The following WWTR1 variants were observed in gnomAD, a reference collection of about 807,000 sequenced individuals.
WWTR1 encodes WW domain containing transcription regulator 1.
A neutral mutation model predicts 40.1 loss-of-function variants in WWTR1; 13 were observed. The observed-to-expected ratio is 0.32, with a 90% CI of 0.21 to 0.52. The LOEUF (loss-of-function observed/expected upper bound fraction) is 0.52, where lower values mean the gene tolerates loss of function less well. WWTR1 is among the 20% of genes least tolerant of loss of function. The pLI is 0.97. For missense variants in WWTR1, 436 were observed against 523.1 expected (o/e 0.83, Z 1.63); for synonymous variants, 230 against 210.1 (o/e 1.09, Z -0.82).
chr3:149,541,912 T>G lies in WWTR1; in HGVS notation c.771+423A>C, dbSNP rs183504186. Reference sequence around the variant, plus strand: ...ACCAGTTGAATACCACTAAATGACCTCAGTCAATGCCATGTAGAGCAGAAG... The same window carrying G: ...ACCAGTTGAATACCACTAAATGACCGCAGTCAATGCCATGTAGAGCAGAAG... On this transcript the variant is annotated intron_variant, in intron 4 of 6. Coordinates refer to ENST00000360632, the MANE Select transcript of WWTR1 (RefSeq NM_015472.6). Among the ~76,000 whole-genome samples the G allele has an allele frequency of 3.3e-5, 5 of 152,220 alleles. No homozygotes were observed. The East Asian group carries it at 9.7e-4, about 29-fold the overall frequency.
chr3:149,649,971 AG>A (rs1712769035), intron 2 of WWTR1: 1 of 150,184 alleles, frequency 6.7e-6, no homozygotes, highest in Admixed American at 6.6e-5. Context: ...TATGTTGCCC[AG>A]GCTTGTCTCA....
chr3:149,540,106 AC>A, intron 4 of WWTR1: 2 of 436,580 alleles, frequency 4.6e-6, no homozygotes, highest in Non-Finnish European at 4.6e-6. Flanking sequence ...ACACACACAC[AC>A]ACACACACAC....
chr3:149,678,110 A>G (rs1714332191), intron 1 of WWTR1, among the ~76,000 whole-genome samples: 1 of 152,140 alleles, frequency 6.6e-6, no homozygotes, highest in African/African-American at 2.4e-5. Context: ...TATTCAACCT[A>G]ACATCATTGG....
At chr3:149,626,899 C>A (rs1404123704) in intron 2 of WWTR1, among the ~76,000 whole-genome samples, 1 of 152,150 alleles carries the variant, frequency 6.6e-6, no homozygotes, top group Non-Finnish European at 1.5e-5. Flanking sequence ...TATTTATGCC[C>A]TGCCCTCTCT....
intron 6 of WWTR1, among the ~76,000 whole-genome samples, chr3:149,524,209 T>A (rs1376411647): frequency 6.6e-6 from 1 of 152,198 alleles, no homozygotes; most frequent in African/African-American, 2.4e-5. Context: ...TGGCTAAAAC[T>A]ATGTTCTTTT....
intron 3 of WWTR1, among the ~76,000 whole-genome samples, chr3:149,568,541 A>ACC (rs1560064422): frequency 7.1e-6 from 1 of 141,676 alleles, no homozygotes; most frequent in African/African-American, 2.7e-5. Context: ...AAAAAAAAAA[A>ACC]AAAAAAAAAA....
intron 2 of WWTR1, among the ~76,000 whole-genome samples, chr3:149,604,051 G>A (rs1243179200): frequency 6.6e-6 from 1 of 152,038 alleles, no homozygotes; most frequent in Non-Finnish European, 1.5e-5. Context: ...TCCATAAATA[G>A]TAGTAATACT....
At chr3:149,531,655 C>T (rs1429434950) in intron 4 of WWTR1, among the ~76,000 whole-genome samples, 1 of 152,114 alleles carries the variant, frequency 6.6e-6, no homozygotes, top group Non-Finnish European at 1.5e-5. Context: ...CCTACAGACG[C>T]CATCTCTTCA....
intron 1 of WWTR1, among the ~76,000 whole-genome samples, chr3:149,696,658 C>T (rs1028984535): frequency 1.3e-5 from 2 of 152,182 alleles, no homozygotes; most frequent in Non-Finnish European, 2.9e-5. Context: ...AGGTCTTTTG[C>T]TTCTGCTTCC....
intron 3 of WWTR1, among the ~76,000 whole-genome samples, chr3:149,563,325 G>T (rs1482273282): frequency 6.6e-6 from 1 of 152,150 alleles, no homozygotes; most frequent in Non-Finnish European, 1.5e-5. Context: ...ATTCGTCACG[G>T]TTTAGGCTTA....
At chr3:149,645,016 C>A (rs1024453701) in intron 2 of WWTR1, among the ~76,000 whole-genome samples, 2 of 151,374 alleles carry the variant, frequency 1.3e-5, no homozygotes, top group Non-Finnish European at 2.9e-5. Flanking sequence ...CCATGCCCAA[C>A]TAATTTTTGT....
chr3:149,529,836 A>G (rs186083936), intron 4 of WWTR1, among the ~76,000 whole-genome samples: 2 of 152,314 alleles, frequency 1.3e-5, no homozygotes, highest in East Asian at 1.9e-4. Context: ...TATCTCATCA[A>G]TGGTAAATTT....
intron 2 of WWTR1, among the ~76,000 whole-genome samples, chr3:149,664,664 C>T (rs144665598): frequency 0.031 from 4,702 of 151,686 alleles, 152 homozygotes; most frequent in East Asian, 0.13. Context: ...TCTCGGCTCA[C>T]CGCAACCTCC....
chr3:149,639,010 AC>A (rs1711999854), intron 2 of WWTR1, among the ~76,000 whole-genome samples: 1 of 152,240 alleles, frequency 6.6e-6, no homozygotes, highest in Admixed American at 6.5e-5. Context: ...GATGCCAGAT[AC>A]TTTCTCTTTG....
chr3:149,599,562 G>T (rs543863167), intron 2 of WWTR1, among the ~76,000 whole-genome samples: 7 of 152,216 alleles, frequency 4.6e-5, no homozygotes, highest in Non-Finnish European at 8.8e-5. Context: ...GAAAAGAGGG[G>T]CCAGTCCTGT....
chr3:149,573,573 T>C (rs1035661000), intron 2 of WWTR1, among the ~76,000 whole-genome samples: 6 of 152,130 alleles, frequency 3.9e-5, no homozygotes, highest in African/African-American at 1.4e-4. Context: ...CTCAAGAAGC[T>C]CACTGTCACC....
chr3:149,626,703 G>A (rs945084274), intron 2 of WWTR1, among the ~76,000 whole-genome samples: 3 of 152,064 alleles, frequency 2.0e-5, no homozygotes, highest in Non-Finnish European at 4.4e-5. Flanking sequence ...CTACAAAAGA[G>A]CATCAATTGG....
Position 149,517,737 on chromosome 3 carries a change from G to A in WWTR1, c.*3068C>T, listed in dbSNP as rs1329403576. On this transcript the variant is annotated 3_prime_UTR_variant, in exon 7 of 7. Transcript: ENST00000360632. ...TGGCATTTCACATCCTAAATAATAC[G>A]GTGAAACACTGTCTAAAAATTACTT... 1 of 152,000 alleles carries A rather than the reference G, an allele frequency of 6.6e-6. No individual in the cohort carries two copies. The highest frequency in any genetic ancestry group is 2.4e-5 in the African/African-American group (1 of 41,378). 9.4% of individuals were successfully genotyped at this position (152,000 alleles called of 1,614,324 possible). A position where few individuals can be genotyped will look rare whatever the true frequency, so the allele number is the denominator to read the frequency against.
Position 149,719,110 on chromosome 3 carries a change from G to T in WWTR1, n.460-1544C>A, listed in dbSNP as rs542182200. Among the ~76,000 whole-genome samples the T allele has an allele frequency of 4.6e-5, 7 of 151,824 alleles. No homozygotes were observed. In the South Asian group the frequency reaches 6.3e-4, roughly 14 times the overall value. ...CATAGGGCTGGGATTACAGATGTGA[G>T]GCACCATGCCTGGCCTGAATTTTCT... On this transcript the variant is annotated intron_variant and non_coding_transcript_variant, in intron 4 of 6. Transcript: ENST00000474080.
Sources: allele counts gnomAD v4.1 joint callset (sites outside exome capture counted in the v4.1 genomes callset), GRCh38; gene constraint gnomAD v4.1.1; transcripts MANE v1.5; gene names NCBI Gene and HGNC (gene_info 2026-07-23, HGNC 2026-07-21).